Variants in MTMR7 observed in about 807,000 individuals in gnomAD.
MTMR7 encodes the protein phosphatidylinositol-3-phosphate phosphatase MTMR7.
Under a neutral mutation model 81.2 loss-of-function variants are expected in MTMR7, and 76 were observed. The observed-to-expected ratio is 0.94, with a 90% CI of 0.78 to 1.13. The LOEUF is 1.13. Ranked by LOEUF, MTMR7 falls within the 50% of genes most tolerant of loss-of-function variation. The pLI is 0.00. For missense variants in MTMR7, 1,044 were observed against 820.0 expected (o/e 1.27, Z -3.34); for synonymous variants, 372 against 289.8 (o/e 1.28, Z -2.88).
At chr8:17,311,321 CTT>C (rs1407646042) in intron 9 of MTMR7, among the ~76,000 whole-genome samples, 188 bp downstream of exon 9, 3 of 152,198 alleles carry the variant, frequency 2.0e-5, no homozygotes, top group African/African-American at 7.2e-5. Context: ...AAATTCATCT[CTT>C]TATTCCAAGC....
chr8:17,325,836 T>C (rs888341673), intron 7 of MTMR7, among the ~76,000 whole-genome samples: 4 of 152,186 alleles, frequency 2.6e-5, no homozygotes, highest in Non-Finnish European at 5.9e-5. Context: ...TAGGAAGGCA[T>C]GGGGCCTACC....
At chr8:17,308,575 G>T (rs1356501506) in intron 10 of MTMR7, among the ~76,000 whole-genome samples, 1 of 152,154 alleles carries the variant, frequency 6.6e-6, no homozygotes, top group Non-Finnish European at 1.5e-5. Flanking sequence ...GAAACTTGCT[G>T]CCTAAATTTA....
At chr8:17,404,355 T>C (rs1028414123) in intron 1 of MTMR7, among the ~76,000 whole-genome samples, 5 of 151,720 alleles carry the variant, frequency 3.3e-5, no homozygotes, top group East Asian at 1.9e-4. Flanking sequence ...GAGGAGAAAA[T>C]TGGGTGTGAA....
chr8:17,339,608 T>C (rs969589199), intron 6 of MTMR7, among the ~76,000 whole-genome samples: 2 of 152,254 alleles, frequency 1.3e-5, no homozygotes, highest in African/African-American at 2.4e-5. Flanking sequence ...AGCTGAATAA[T>C]ATTCCACTGA....
chr8:17,316,298 A>G (rs1282605394), intron 7 of MTMR7, among the ~76,000 whole-genome samples: 1 of 151,940 alleles, frequency 6.6e-6, no homozygotes, highest in African/African-American at 2.4e-5. Context: ...CATATATATT[A>G]TAGTCTGCAA....
At chr8:17,331,117 C>G in intron 7 of MTMR7, 33 bp downstream of exon 7, 1 of 1,588,908 alleles carries the variant, frequency 6.3e-7, no homozygotes, top group Non-Finnish European at 8.5e-7. Context: ...TACTTAACTG[C>G]ATTTTAATGC....
chr8:17,391,450 G>C (rs1821106170), intron 1 of MTMR7, among the ~76,000 whole-genome samples: 1 of 152,096 alleles, frequency 6.6e-6, no homozygotes, highest in African/African-American at 2.4e-5. Context: ...CATGAAACTA[G>C]GGCCACTGTC....
At chr8:17,317,023 T>C (rs1490526641) in intron 7 of MTMR7, among the ~76,000 whole-genome samples, 1 of 152,184 alleles carries the variant, frequency 6.6e-6, no homozygotes, top group African/African-American at 2.4e-5. Flanking sequence ...TGCTGATGCT[T>C]TAAGTTTTGC....
At chr8:17,322,168 T>G (rs921304417) in intron 7 of MTMR7, among the ~76,000 whole-genome samples, 1 of 152,116 alleles carries the variant, frequency 6.6e-6, no homozygotes, top group Non-Finnish European at 1.5e-5. Flanking sequence ...TTTGGAGTCA[T>G]GAAGCCAAGA....
intron 1 of MTMR7, among the ~76,000 whole-genome samples, chr8:17,374,584 G>T (rs541428811): frequency 6.6e-6 from 1 of 152,000 alleles, no homozygotes; most frequent in Non-Finnish European, 1.5e-5. Flanking sequence ...TTGCGCCACC[G>T]TACCGTAGCC....
chr8:17,341,556 C>G, intron 5 of MTMR7, 59 bp from the exon 6 acceptor site: 1 of 1,583,404 alleles, frequency 6.3e-7, no homozygotes, highest in Admixed American at 1.7e-5. Context: ...ATGAGAGACA[C>G]TCTACGTGTG....
At position 17,372,956 on chromosome 8, in the gene MTMR7, C is replaced by G. The variant is rs1021460108; in HGVS notation, c.147+162G>C. Reference sequence around the variant, plus strand: ...AAATGAATAGTCGATCAAGTAGATACGACTGCACAGAAAAAGTCCAAACAC... The same window carrying G: ...AAATGAATAGTCGATCAAGTAGATAGGACTGCACAGAAAAAGTCCAAACAC... On this transcript the variant is annotated intron_variant, in intron 2 of 13. Coordinates refer to ENST00000180173, the MANE Select transcript of MTMR7 (RefSeq NM_004686.5). 50 of 737,678 alleles carry G rather than the reference C, an allele frequency of 6.8e-5. 1 individual carries two copies. The highest frequency in any genetic ancestry group is 9.9e-5 in the Non-Finnish European group (46 of 464,374). 45.7% of individuals were successfully genotyped at this position (737,678 alleles called of 1,614,324 possible).
chr8:17,399,964 T>C (rs918954342), intron 1 of MTMR7, among the ~76,000 whole-genome samples: 2 of 152,166 alleles, frequency 1.3e-5, no homozygotes, highest in Non-Finnish European at 2.9e-5. Context: ...CTCAGGTATC[T>C]TTTCTGGTTC....
At chr8:17,345,623 T>A (rs190700250) in intron 5 of MTMR7, among the ~76,000 whole-genome samples, 179 of 152,334 alleles carry the variant, frequency 1.2e-3, no homozygotes, top group African/African-American at 4.0e-3. Flanking sequence ...TGTGATTACA[T>A]CCATTAAAAG....
intron 1 of MTMR7, among the ~76,000 whole-genome samples, chr8:17,380,800 A>G (rs1820733306): frequency 6.6e-6 from 1 of 152,226 alleles, no homozygotes; most frequent in Non-Finnish European, 1.5e-5. Flanking sequence ...ACAGTTAATA[A>G]TTATTGTAAG....
intron 1 of MTMR7, among the ~76,000 whole-genome samples, chr8:17,402,657 G>C (rs909384624): frequency 1.3e-5 from 2 of 152,044 alleles, no homozygotes; most frequent in African/African-American, 4.8e-5. Flanking sequence ...TTATACATTC[G>C]TCTGTTGATG....
chr8:17,409,606 C>G (rs1175269095), intron 1 of MTMR7, among the ~76,000 whole-genome samples: 1 of 152,066 alleles, frequency 6.6e-6, no homozygotes, highest in Non-Finnish European at 1.5e-5. Flanking sequence ...AAATATAATC[C>G]CTACCATTAC....
At chr8:17,352,278 A>G (rs1047538499) in intron 4 of MTMR7, among the ~76,000 whole-genome samples, 2 of 152,230 alleles carry the variant, frequency 1.3e-5, no homozygotes, top group Non-Finnish European at 2.9e-5. Context: ...GAGAACCCAG[A>G]AGTAAACCCT....
At chr8:17,360,780 C>G (rs2150556733) in intron 4 of MTMR7, among the ~76,000 whole-genome samples, 1 of 152,158 alleles carries the variant, frequency 6.6e-6, no homozygotes, top group South Asian at 2.1e-4. Context: ...TAATCACTCA[C>G]TACACTATAA....
Sources: gnomAD v4.1 joint callset for allele counts (sites outside exome capture counted in the v4.1 genomes callset) on GRCh38, gnomAD v4.1.1 for gene constraint, MANE v1.5 for transcripts, NCBI Gene and HGNC (gene_info 2026-07-23, HGNC 2026-07-21) for gene names.